EML1: variants seen among roughly 807,000 people sequenced by gnomAD.
The protein encoded by EML1 is echinoderm microtubule-associated protein-like 1.
In EML1, 27 loss-of-function variants were observed where a neutral mutation model predicts 110.4. The observed-to-expected ratio is 0.24, with a 90% confidence interval of 0.18 to 0.34. The LOEUF is 0.34. Ranked by LOEUF, EML1 falls within the 10% of genes least tolerant of loss-of-function variation. The pLI is 1.00. For synonymous variants in EML1, 344 were observed against 385.8 expected, an observed-to-expected ratio of 0.89 and a Z score of 1.27; for missense variants, 741 against 1,030.9, an observed-to-expected ratio of 0.72 and a Z score of 3.85.
intron 8 of EML1, among the ~76,000 whole-genome samples, chr14:99,900,197 T>A (rs2140016142): frequency 6.7e-6 from 1 of 149,288 alleles, no homozygotes; most frequent in East Asian, 1.9e-4. Context: ...TTTTTTTTTT[T>A]TTTTTTTTGA....
At chr14:99,841,226 A>C (rs2058627218) in intron 1 of EML1, among the ~76,000 whole-genome samples, 1 of 152,202 alleles carries the variant, frequency 6.6e-6, no homozygotes. Flanking sequence ...GCAGAGAGAG[A>C]CCTGCACAGT....
At chr14:99,760,862 C>A (rs2057307545) in intron 1 of EML1, among the ~76,000 whole-genome samples, 2 of 152,156 alleles carry the variant, frequency 1.3e-5, no homozygotes. Flanking sequence ...GGGATTTGAA[C>A]ACAGCTCTGT....
chr14:99,756,684 G>A (rs1190628742), intron 1 of EML1, among the ~76,000 whole-genome samples: 2 of 152,108 alleles, frequency 1.3e-5, no homozygotes, highest in Admixed American at 6.5e-5. Context: ...AGGTGGGGAG[G>A]TGTTTGTTAA....
chr14:99,886,458 G>A (rs1157823541), intron 4 of EML1, among the ~76,000 whole-genome samples: 3 of 152,214 alleles, frequency 2.0e-5, no homozygotes, highest in African/African-American at 7.2e-5. Context: ...TTCAGCCTGC[G>A]CGACAGAGCC....
At chr14:99,738,490 C>G (rs950864646) in intron 1 of EML1, among the ~76,000 whole-genome samples, 4 of 152,188 alleles carry the variant, frequency 2.6e-5, no homozygotes, top group Admixed American at 6.5e-5. Context: ...CTGCCCCCGG[C>G]TCCTGCCAGT....
At chr14:99,788,882 C>A (rs936904459), upstream of EML1, among the ~76,000 whole-genome samples, 4 of 152,302 alleles carry the variant, frequency 2.6e-5, no homozygotes, top group Middle Eastern at 0.014. Flanking sequence ...ATTTGACAAC[C>A]CTAGGCACTT....
At chr14:99,857,378 T>G (rs927844372) in intron 2 of EML1, among the ~76,000 whole-genome samples, 2 of 152,192 alleles carry the variant, frequency 1.3e-5, no homozygotes, top group African/African-American at 4.8e-5. Context: ...AAGTCAGCAT[T>G]CAGATTTCCC....
chr14:99,860,101 C>G (rs2058976830), intron 2 of EML1, among the ~76,000 whole-genome samples: 1 of 152,092 alleles, frequency 6.6e-6, no homozygotes, highest in Non-Finnish European at 1.5e-5. Flanking sequence ...GACCCTTGCC[C>G]TCCTTCACCT....
At chr14:99,785,411 C>A (rs1057303910) in intron 1 of EML1, among the ~76,000 whole-genome samples, 4 of 152,252 alleles carry the variant, frequency 2.6e-5, no homozygotes, top group African/African-American at 9.6e-5. Context: ...GAAGAAACAT[C>A]CCTGGGGAGA....
intron 2 of EML1, among the ~76,000 whole-genome samples, chr14:99,852,109 C>G (rs2058819424): frequency 6.6e-6 from 1 of 152,130 alleles, no homozygotes; most frequent in Non-Finnish European, 1.5e-5. Flanking sequence ...TGGAATTAGA[C>G]AATTAGACAA....
chr14:99,922,648 A>G (rs182347112), intron 17 of EML1, among the ~76,000 whole-genome samples: 2 of 152,122 alleles, frequency 1.3e-5, no homozygotes, highest in African/African-American at 4.8e-5. Context: ...CATCCTCCCA[A>G]TACTTGTTAT....
At chr14:99,917,931 C>T (rs1042221384) in intron 16 of EML1, 82 bp downstream of exon 16, 4 of 1,401,806 alleles carry the variant, frequency 2.9e-6, no homozygotes, top group African/African-American at 2.9e-5. Context: ...GGAACAGGCC[C>T]CCGTTCAGCT....
At chr14:99,866,573 A>C (rs1269247669) in intron 3 of EML1, among the ~76,000 whole-genome samples, 1 of 63,916 alleles carries the variant, frequency 1.6e-5, no homozygotes, top group African/African-American at 9.5e-5. Flanking sequence ...TCCATCTCAA[A>C]AAAAAAAAAA....
At chr14:99,911,201 C>T (rs964623154) in intron 12 of EML1, among the ~76,000 whole-genome samples, 1 of 152,148 alleles carries the variant, frequency 6.6e-6, no homozygotes, top group Non-Finnish European at 1.5e-5. Context: ...TTCAACCATG[C>T]GGCTTCAACA....
chr14:99,780,879 T>G (rs749145735), intron 1 of EML1, among the ~76,000 whole-genome samples: 4 of 152,158 alleles, frequency 2.6e-5, no homozygotes, highest in Non-Finnish European at 5.9e-5. Context: ...TGGGCTTATG[T>G]AAGTGCACTC....
At chr14:99,928,418 A>C (rs1461460906) in intron 17 of EML1, among the ~76,000 whole-genome samples, 1 of 151,964 alleles carries the variant, frequency 6.6e-6, no homozygotes, top group Non-Finnish European at 1.5e-5. Flanking sequence ...ATCCTTGTAT[A>C]CATTTCTTAC....
chr14:99,861,108 T>C (rs2058996111), intron 2 of EML1, among the ~76,000 whole-genome samples: 2 of 152,234 alleles, frequency 1.3e-5, no homozygotes, highest in Admixed American at 1.3e-4. Flanking sequence ...GGCAACATAA[T>C]GTCTGCTCTT....
At chr14:99,881,520 G>A in intron 4 of EML1, among the ~76,000 whole-genome samples, 1 of 151,966 alleles carries the variant, frequency 6.6e-6, no homozygotes, top group East Asian at 1.9e-4. Flanking sequence ...TGTTTGTGGA[G>A]TCCTAAATAT....
At chr14:99,871,919 G>A (rs1202858167) in intron 3 of EML1, among the ~76,000 whole-genome samples, 1 of 152,228 alleles carries the variant, frequency 6.6e-6, no homozygotes, top group Admixed American at 6.5e-5. Context: ...CGTGGCCCGG[G>A]CTGTCTGGCT....
Sources: gnomAD v4.1 joint callset for allele counts (sites outside exome capture counted in the v4.1 genomes callset) on GRCh38, gnomAD v4.1.1 for gene constraint, MANE v1.5 for transcripts, NCBI Gene and HGNC (gene_info 2026-07-23, HGNC 2026-07-21) for gene names.